MTUS2: variants seen among roughly 807,000 people sequenced by gnomAD.
MTUS2 encodes microtubule-associated tumor suppressor candidate 2.
In MTUS2, 40 loss-of-function variants were observed where a neutral mutation model predicts 114.1. The observed-to-expected ratio is 0.35, with a 90% confidence interval of 0.27 to 0.46. The LOEUF (loss-of-function observed/expected upper bound fraction) is 0.46. Among genes scored for constraint, MTUS2 ranks in the 20% least tolerant of loss-of-function variants. The pLI, the probability that MTUS2 is intolerant of heterozygous loss-of-function variation, is 1.00. For missense variants in MTUS2, 1,679 were observed against 1,705.4 expected, an observed-to-expected ratio of 0.98 and a Z score of 0.27; for synonymous variants, 688 against 672.0, an observed-to-expected ratio of 1.02 and a Z score of -0.37.
chr13:29,445,899 C>T (rs369931644), intron 9 of MTUS2, among the ~76,000 whole-genome samples: 10 of 151,542 alleles, frequency 6.6e-5, no homozygotes, highest in African/African-American at 2.4e-4. Context: ...CGGAGCAAGA[C>T]TCTGTCTCCA....
At chr13:29,385,663 T>C (rs1264759151) in intron 8 of MTUS2, among the ~76,000 whole-genome samples, 1 of 152,056 alleles carries the variant, frequency 6.6e-6, no homozygotes, top group Non-Finnish European at 1.5e-5. Context: ...TCTGTCCTTT[T>C]TCCCCAGCTT....
intron 8 of MTUS2, among the ~76,000 whole-genome samples, chr13:29,365,835 G>A (rs554996567): frequency 6.6e-6 from 1 of 152,170 alleles, no homozygotes; most frequent in African/African-American, 2.4e-5. Flanking sequence ...TGTCACTGGC[G>A]ACTTATTTGA....
At chr13:29,108,753 C>T (rs1279078873) in intron 5 of MTUS2, among the ~76,000 whole-genome samples, 1 of 152,188 alleles carries the variant, frequency 6.6e-6, no homozygotes. Flanking sequence ...AGTATCCATG[C>T]ATCCTGAGTG....
At chr13:28,935,695 A>G (rs73439405) in intron 2 of MTUS2, among the ~76,000 whole-genome samples, 3,659 of 152,252 alleles carry the variant, frequency 0.024, 144 homozygotes, top group African/African-American at 0.081. Context: ...CCAGAAGGAA[A>G]GCAAATGCAA....
intron 8 of MTUS2, among the ~76,000 whole-genome samples, chr13:29,410,471 A>G (rs1204552596): frequency 6.6e-6 from 1 of 152,158 alleles, no homozygotes; most frequent in Non-Finnish European, 1.5e-5. Flanking sequence ...TGGTATCTCA[A>G]TGTTGTTTTA....
chr13:29,087,394 C>T (rs994479453), intron 4 of MTUS2, among the ~76,000 whole-genome samples: 4 of 152,152 alleles, frequency 2.6e-5, no homozygotes, highest in Admixed American at 1.3e-4. Context: ...TTTATGTGGT[C>T]GATCACAATT....
rs1350805075 is a variant in MTUS2 at position 29,389,517 on chromosome 13, A to G, written c.3117+30044A>G. On this transcript the variant is annotated intron_variant, in intron 8 of 15. Coordinates refer to ENST00000612955, the MANE Select transcript of MTUS2 (RefSeq NM_001033602.4). Reference sequence around the variant, plus strand: ...TGTATATATGTATACACGTGTGTGTATGTGTATATATGTATACACGTGTGT... The same window carrying G: ...TGTATATATGTATACACGTGTGTGTGTGTGTATATATGTATACACGTGTGT... Among the ~76,000 whole-genome samples the G allele has an allele frequency of 3.3e-4, 18 of 54,924 alleles. 3 individuals are homozygous for G. Among genetic ancestry groups the G allele is most frequent in the African/African-American group, 7.7e-4 (17 of 22,080 alleles). The allele number at this position is 54,924 out of a possible 152,430, so 36.0% of individuals were successfully genotyped here. A position where few individuals can be genotyped will look rare whatever the true frequency, so the allele number is the denominator to read the frequency against.
chr13:29,363,779 G>C (rs1228904558), intron 8 of MTUS2, among the ~76,000 whole-genome samples: 1 of 152,146 alleles, frequency 6.6e-6, no homozygotes, highest in Non-Finnish European at 1.5e-5. Context: ...ACCATATGGG[G>C]TGGGTAGGTA....
intron 6 of MTUS2, among the ~76,000 whole-genome samples, chr13:29,314,365 A>G (rs562851788): frequency 5.9e-5 from 9 of 152,348 alleles, no homozygotes; most frequent in Non-Finnish European, 1.3e-4. Context: ...AAACCAAGGC[A>G]GCTATTAAAC....
intron 5 of MTUS2, among the ~76,000 whole-genome samples, chr13:29,269,325 T>G (rs1897788270): frequency 6.6e-6 from 1 of 152,158 alleles, no homozygotes. Context: ...CAACTGAGAT[T>G]TGAGGGATTG....
At chr13:29,319,917 A>C (rs184610711) in intron 6 of MTUS2, among the ~76,000 whole-genome samples, 1 of 152,332 alleles carries the variant, frequency 6.6e-6, no homozygotes, top group East Asian at 1.9e-4. Flanking sequence ...AATAGAGACC[A>C]AGCAGTTAGT....
intron 1 of MTUS2, among the ~76,000 whole-genome samples, chr13:28,834,214 G>T (rs917048091): frequency 2.0e-5 from 3 of 152,046 alleles, no homozygotes; most frequent in African/African-American, 7.2e-5. Context: ...ACCCAGAATA[G>T]TCAATGTAAT....
rs553204613 is a variant in MTUS2 at position 28,995,521 on chromosome 13, C to G, written c.-242-28936C>G. On this transcript the variant is annotated intron_variant, in intron 2 of 15. Coordinates refer to ENST00000612955, the MANE Select transcript of MTUS2 (RefSeq NM_001033602.4). The stretch of plus-strand genomic sequence containing the variant: ...GGCCATTTTCACGATATTGATTCTT[C>G]CTACCCATGAGCATGGAATGTTCTT... Among the ~76,000 whole-genome samples the G allele has an allele frequency of 2.6e-5, 4 of 152,230 alleles. No homozygotes were observed. The East Asian group carries it at 7.7e-4, about 29-fold the overall frequency.
In MTUS2 at chr13:29,020,170, T is replaced by C. The variant is rs545265265; in HGVS notation, c.-242-4287T>C. Among the ~76,000 whole-genome samples the C allele has an allele frequency of 4.6e-5, 7 of 152,302 alleles. No individual in the cohort carries two copies. In the South Asian group the frequency reaches 1.5e-3, roughly 32 times the overall value. On this transcript the variant is annotated intron_variant, in intron 2 of 15. Transcript: ENST00000612955. Reference sequence around the variant, plus strand: ...CCTTTCAAACTAGTACTGAACTAATTGATTTTTTTCAAGATAAAATATCAA... The same window carrying C: ...CCTTTCAAACTAGTACTGAACTAATCGATTTTTTTCAAGATAAAATATCAA...
intron 2 of MTUS2, among the ~76,000 whole-genome samples, chr13:28,909,606 T>C (rs1593292142): frequency 6.6e-6 from 1 of 152,296 alleles, no homozygotes; most frequent in East Asian, 1.9e-4. Context: ...GCATTCCCTT[T>C]GAAAAGTGGC....
chr13:29,242,781 A>G (rs910898521), intron 5 of MTUS2: 17 of 152,242 alleles, frequency 1.1e-4, no homozygotes, highest in African/African-American at 3.1e-4. Flanking sequence ...ATTGTTGAGT[A>G]CCTACTATTG....
intron 5 of MTUS2, among the ~76,000 whole-genome samples, chr13:29,177,717 A>C (rs1893833496): frequency 6.6e-6 from 1 of 152,164 alleles, no homozygotes; most frequent in Non-Finnish European, 1.5e-5. Context: ...CTCAGCCATG[A>C]CCCACAGACT....
intron 5 of MTUS2, among the ~76,000 whole-genome samples, chr13:29,118,107 C>T (rs930102953): frequency 1.4e-4 from 22 of 152,200 alleles, no homozygotes; most frequent in African/African-American, 5.1e-4. Flanking sequence ...CTGCCTGGAG[C>T]CTGGTTTCTC....
chr13:29,191,088 A>C (rs1321472157), intron 5 of MTUS2, among the ~76,000 whole-genome samples: 2 of 152,068 alleles, frequency 1.3e-5, no homozygotes, highest in African/African-American at 2.4e-5. Flanking sequence ...GCATTGTCAG[A>C]TATACTTGTC....
Sources: gnomAD v4.1 joint callset for allele counts (sites outside exome capture counted in the v4.1 genomes callset) on GRCh38, gnomAD v4.1.1 for gene constraint, MANE v1.5 for transcripts, NCBI Gene and HGNC (gene_info 2026-07-23, HGNC 2026-07-21) for gene names.